TBPL2: variants seen among roughly 807,000 people sequenced by gnomAD.
The protein encoded by TBPL2 is TATA-box binding protein like 2, also known as TATA box-binding protein-like 2.
A neutral mutation model predicts 38.2 loss-of-function variants in TBPL2; 40 were observed. That is an observed-to-expected ratio of 1.05 (90% CI 0.81 to 1.36). TBPL2 has a LOEUF of 1.36. TBPL2 is among the 40% of genes most tolerant of loss of function. TBPL2 has a pLI of 0.00. For missense variants in TBPL2, 461 were observed against 456.7 expected, an observed-to-expected ratio of 1.01 and a Z score of -0.09; for synonymous variants, 169 against 171.7, an observed-to-expected ratio of 0.98 and a Z score of 0.12.
At chr14:55,417,367 A>T (rs1162590007) in intron 6 of TBPL2, among the ~76,000 whole-genome samples, 1 of 151,674 alleles carries the variant, frequency 6.6e-6, no homozygotes. Context: ...GGGAACCTAA[A>T]TTGGCTCCAT....
At chr14:55,426,645 A>G (rs1885829052) in intron 5 of TBPL2, among the ~76,000 whole-genome samples, 1 of 151,990 alleles carries the variant, frequency 6.6e-6, no homozygotes, top group African/African-American at 2.4e-5. Flanking sequence ...GGAGAGGATG[A>G]GGGGGAGGCA....
Position 55,440,417 on chromosome 14 carries a change from G to T in TBPL2, c.129C>A (p.Tyr43Ter). 9 of 1,612,852 alleles carry T rather than the reference G, an allele frequency of 5.6e-6. No individual in the cohort carries two copies. Among genetic ancestry groups the T allele is most frequent in the Non-Finnish European group, 7.6e-6 (9 of 1,179,884 alleles). The change falls in exon 1 of 7, where the codon TAC becomes TAA. Residue 43 changes from tyrosine to a stop codon, truncating the protein, a stop_gained. Coordinates refer to ENST00000247219, the Ensembl canonical transcript of TBPL2. LOFTEE classifies it high-confidence loss of function. ...TCACCTGAGCGGCGCACTGGTCCAG[G>T]TAGAGCTCCAGGTAGGTCTCCTCCT...
At chr14:55,415,082 C>T (rs1174520483) in intron 6 of TBPL2, among the ~76,000 whole-genome samples, 2 of 152,162 alleles carry the variant, frequency 1.3e-5, no homozygotes, top group African/African-American at 2.4e-5. Context: ...GTATTAGTCC[C>T]TACTCATCTC....
At chr14:55,416,080 G>A (rs1452745117) in intron 6 of TBPL2, among the ~76,000 whole-genome samples, 4 of 152,186 alleles carry the variant, frequency 2.6e-5, no homozygotes, top group African/African-American at 9.7e-5. Flanking sequence ...GCCAGGGGAA[G>A]TGAGGAGAGG....
At chr14:55,440,338 T>TGAA in intron 1 of TBPL2, 58 bp downstream of exon 1, 1 of 1,598,666 alleles carries the variant, frequency 6.3e-7, no homozygotes. Flanking sequence ...GCAAAGCCCT[T>TGAA]GGCACAGGAC....
chr14:55,432,233 C>T (rs148280599), intron 4 of TBPL2, among the ~76,000 whole-genome samples: 1 of 140,632 alleles, frequency 7.1e-6, no homozygotes, highest in African/African-American at 2.8e-5. Context: ...TATGGGGAAA[C>T]CCCCGTCTCT....
At chr14:55,440,426 C>T in exon 1 of TBPL2, 1 of 1,613,034 alleles carries the variant, frequency 6.2e-7, no homozygotes, top group Non-Finnish European at 8.5e-7. Context: ...GGTAGAGCTC[C>T]AGGTAGGTCT....
chr14:55,436,720 C>T, exon 2 of TBPL2: 1 of 1,614,184 alleles, frequency 6.2e-7, no homozygotes. Flanking sequence ...ATTTGACAAA[C>T]TGCTGCTGTT....
intron 2 of TBPL2, 62 bp from the exon 3 acceptor site, chr14:55,435,996 C>T (rs1197208063): frequency 1.3e-5 from 10 of 784,362 alleles, no homozygotes; most frequent in Non-Finnish European, 1.9e-5. Flanking sequence ...AAAAAAAAGA[C>T]AACTTATTTT....
rs71131266 is a variant in TBPL2 at position 55,429,766 on chromosome 14, C to CAAAAAAAAAAA, written c.789-803_789-793dup. Among the ~76,000 whole-genome samples, 79 of 52,262 alleles carry CAAAAAAAAAAA rather than the reference C, an allele frequency of 1.5e-3. 1 individual carries two copies. The highest frequency in any genetic ancestry group is 2.1e-3 in the Non-Finnish European group (65 of 30,778). 34.3% of individuals were successfully genotyped at this position (52,262 alleles called of 152,430 possible). On this transcript the variant is annotated intron_variant, in intron 4 of 6. Coordinates refer to ENST00000247219, the Ensembl canonical transcript of TBPL2. ...AGGCAACAAGAGTGAAACTCCGTCTCAAAAAAAAAAAAAAAAAAAAAAAGA... is the reference window on the plus strand; with the variant it reads ...AGGCAACAAGAGTGAAACTCCGTCTCAAAAAAAAAAAAAAAAAAAAAAAAAAAAAAAAAAGA...
At chr14:55,440,494 A>G in exon 1 of TBPL2, 1 of 1,612,504 alleles carries the variant, frequency 6.2e-7, no homozygotes, top group Non-Finnish European at 8.5e-7. Context: ...TAAGAGGGTA[A>G]GCGCGGAGCG....
intron 4 of TBPL2, among the ~76,000 whole-genome samples, chr14:55,430,197 A>AC (rs942511330): frequency 2.0e-5 from 3 of 151,814 alleles, no homozygotes; most frequent in Non-Finnish European, 4.4e-5. Flanking sequence ...GGTGAATTCC[A>AC]CCCCCCTCAT....
intron 1 of TBPL2, among the ~76,000 whole-genome samples, chr14:55,439,653 G>C (rs1254553297): frequency 7.5e-6 from 1 of 133,678 alleles, no homozygotes. Flanking sequence ...AAAATTAGCC[G>C]GGCATGGTGG....
intron 5 of TBPL2, among the ~76,000 whole-genome samples, chr14:55,427,075 G>A (rs1035396805): frequency 1.3e-5 from 2 of 152,218 alleles, no homozygotes; most frequent in African/African-American, 2.4e-5. Flanking sequence ...CTGGAGGCTC[G>A]TGACTTGAGA....
intron 6 of TBPL2, among the ~76,000 whole-genome samples, chr14:55,416,386 G>A (rs1885669992): frequency 6.6e-6 from 1 of 152,004 alleles, no homozygotes; most frequent in Non-Finnish European, 1.5e-5. Flanking sequence ...GAGCCCAGGA[G>A]TTTGAGACCA....
chr14:55,414,243 T>G, exon 7 of TBPL2: 1 of 657,990 alleles, frequency 1.5e-6, no homozygotes, highest in Non-Finnish European at 2.6e-6. Flanking sequence ...TTTCTTAGGT[T>G]ACTTACACAG....
At chr14:55,431,057 A>G (rs551184732) in intron 4 of TBPL2, among the ~76,000 whole-genome samples, 2 of 152,330 alleles carry the variant, frequency 1.3e-5, no homozygotes, top group South Asian at 2.1e-4. Context: ...AATCTCACCC[A>G]TACTGGTGTT....
At chr14:55,421,060 C>CA (rs71131263) in intron 6 of TBPL2, among the ~76,000 whole-genome samples, 2,202 of 107,480 alleles carry the variant, frequency 0.02, 72 homozygotes, top group East Asian at 0.078. Context: ...GAATCTGTCT[C>CA]AAAAAAAAAA....
chr14:55,430,387 CT>C (rs1436179510), intron 4 of TBPL2, among the ~76,000 whole-genome samples: 3 of 136,456 alleles, frequency 2.2e-5, no homozygotes, highest in African/African-American at 8.6e-5. Flanking sequence ...GTTGATTCTC[CT>C]CACCCACTTT....
Sources: gnomAD v4.1 joint callset for allele counts (sites outside exome capture counted in the v4.1 genomes callset) on GRCh38, gnomAD v4.1.1 for gene constraint, MANE v1.5 for transcripts, NCBI Gene and HGNC (gene_info 2026-07-23, HGNC 2026-07-21) for gene names.